NTRK3: variants seen among roughly 807,000 people sequenced by gnomAD.
The protein encoded by NTRK3 is NT-3 growth factor receptor.
Under a neutral mutation model 91.7 loss-of-function variants are expected in NTRK3, and 24 were observed. That is an observed-to-expected ratio of 0.26 (90% CI 0.19 to 0.37). The LOEUF is 0.37. Among genes scored for constraint, NTRK3 ranks in the 10% least tolerant of loss-of-function variants. NTRK3 has a pLI of 1.00. For missense variants in NTRK3, 880 were observed against 1,068.9 expected (o/e 0.82, Z 2.46); for synonymous variants, 483 against 404.0 (o/e 1.20, Z -2.34).
chr15:87,948,410 A>G (rs1327013510), intron 14 of NTRK3, among the ~76,000 whole-genome samples: 1 of 152,210 alleles, frequency 6.6e-6, no homozygotes, highest in East Asian at 1.9e-4. Flanking sequence ...AATCAAGGCC[A>G]GGTGCGGTGG....
intron 14 of NTRK3, among the ~76,000 whole-genome samples, chr15:88,031,487 A>C (rs2078529987): frequency 6.6e-6 from 1 of 152,196 alleles, no homozygotes; most frequent in Non-Finnish European, 1.5e-5. Flanking sequence ...GAAGTGAACT[A>C]ATCTTTGTTC....
intron 13 of NTRK3, among the ~76,000 whole-genome samples, chr15:88,057,326 G>A (rs981593889): frequency 2.2e-4 from 33 of 150,552 alleles, no homozygotes; most frequent in Non-Finnish European, 3.8e-4. Context: ...GCGAAACCCC[G>A]TTTCCACTAA....
chr15:88,062,478 G>C (rs1388775931), intron 13 of NTRK3, among the ~76,000 whole-genome samples: 3 of 152,250 alleles, frequency 2.0e-5, no homozygotes, highest in African/African-American at 4.8e-5. Context: ...TCCCTAAATA[G>C]GATGAAGTAG....
Position 88,111,490 on chromosome 15 carries a change from G to A in NTRK3, c.1396+14781C>T, listed in dbSNP as rs1050770977. 5.3e-5 allele frequency among the ~76,000 whole-genome samples: 8 copies of A among 152,320 alleles called. No individual in the cohort carries two copies. The East Asian group carries it at 1.2e-3, about 22-fold the overall frequency. On this transcript the variant is annotated intron_variant, in intron 13 of 18. Coordinates refer to ENST00000394480, the Ensembl canonical transcript of NTRK3. Reference sequence around the variant, plus strand: ...GACAGTATGAAGCTGTTAGCTTAGGGAGTTTGACACTCACTGGTTTGTGGG... The same window carrying A: ...GACAGTATGAAGCTGTTAGCTTAGGAAGTTTGACACTCACTGGTTTGTGGG...
intron 14 of NTRK3, among the ~76,000 whole-genome samples, chr15:87,965,281 G>GA (rs1325718031): frequency 2.6e-5 from 4 of 152,118 alleles, no homozygotes; most frequent in Non-Finnish European, 4.4e-5. Flanking sequence ...TTTGTAATCA[G>GA]AAAAAAGCAC....
chr15:88,094,738 G>C (rs918702607), intron 13 of NTRK3, among the ~76,000 whole-genome samples: 1 of 152,162 alleles, frequency 6.6e-6, no homozygotes, highest in Non-Finnish European at 1.5e-5. Context: ...AGCTGACTGA[G>C]CAAGGCCCCA....
At chr15:87,919,532 G>T (rs2141828252) in intron 17 of NTRK3, among the ~76,000 whole-genome samples, 1 of 152,274 alleles carries the variant, frequency 6.6e-6, no homozygotes, top group South Asian at 2.1e-4. Flanking sequence ...GTTGCAGGTA[G>T]ATGTCCCCAA....
chr15:88,135,873 C>T, intron 9 of NTRK3, 26 bp downstream of exon 9: 2 of 1,613,566 alleles, frequency 1.2e-6, no homozygotes, highest in South Asian at 1.1e-5. Flanking sequence ...CACACACAGC[C>T]ATCCCCCACA....
At chr15:88,161,914 C>T (rs56732627) in intron 5 of NTRK3, among the ~76,000 whole-genome samples, 1,853 of 152,270 alleles carry the variant, frequency 0.012, 21 homozygotes, top group African/African-American at 0.042. Flanking sequence ...GCAATGCATT[C>T]CTGCTTCTAA....
At chr15:88,128,726 C>T (rs574695821) in exon 11 of NTRK3, 3 of 1,614,014 alleles carry the variant, frequency 1.9e-6, no homozygotes, top group South Asian at 2.2e-5. Flanking sequence ...ATAAAGTTAT[C>T]CGTGCTCTCT....
chr15:87,916,511 G>C (rs1408027974), intron 17 of NTRK3: 1 of 702,108 alleles, frequency 1.4e-6, no homozygotes, highest in East Asian at 2.7e-5. Flanking sequence ...TTCTTATGGG[G>C]CATCTTCCCC....
At chr15:87,903,380 G>A in intron 17 of NTRK3, among the ~76,000 whole-genome samples, 1 of 152,150 alleles carries the variant, frequency 6.6e-6, no homozygotes. Context: ...GAGTGGTCCT[G>A]GATGGCACAA....
At chr15:88,256,475 C>A (rs2054067174) in exon 2 of NTRK3, 2 of 525,732 alleles carry the variant, frequency 3.8e-6, no homozygotes, top group Non-Finnish European at 6.6e-6. Flanking sequence ...GGCGCGCTCT[C>A]CGACTCCGAG....
intron 13 of NTRK3, among the ~76,000 whole-genome samples, chr15:88,035,250 T>C (rs1305911490): frequency 1.3e-5 from 2 of 152,166 alleles, no homozygotes; most frequent in African/African-American, 2.4e-5. Flanking sequence ...CCAGGAAGGC[T>C]GAGGTGGAGT....
chr15:88,162,477 A>G (rs531432078), intron 5 of NTRK3, among the ~76,000 whole-genome samples: 82 of 152,324 alleles, frequency 5.4e-4, no homozygotes, highest in African/African-American at 1.8e-3. Flanking sequence ...AGGAGAGGGG[A>G]GAAGGGGGCC....
At chr15:88,030,316 C>A (rs2078407558) in intron 14 of NTRK3, among the ~76,000 whole-genome samples, 1 of 152,166 alleles carries the variant, frequency 6.6e-6, no homozygotes, top group Non-Finnish European at 1.5e-5. Context: ...ACATGGTTTG[C>A]CTAGTGGGAT....
intron 14 of NTRK3, among the ~76,000 whole-genome samples, chr15:87,958,999 G>GC (rs1343026565): frequency 2.1e-5 from 1 of 47,308 alleles, no homozygotes; most frequent in Non-Finnish European, 4.7e-5. Flanking sequence ...CCCGCTCCCC[G>GC]CCCCCCGCAT....
intron 17 of NTRK3, among the ~76,000 whole-genome samples, chr15:87,906,269 C>T (rs905907643): frequency 5.9e-5 from 9 of 152,224 alleles, no homozygotes; most frequent in Non-Finnish European, 1.2e-4. Flanking sequence ...TTACTCAAAG[C>T]CCCTATCAAG....
chr15:88,052,924 C>G (rs543827259), intron 13 of NTRK3, among the ~76,000 whole-genome samples: 1 of 152,248 alleles, frequency 6.6e-6, no homozygotes, highest in South Asian at 2.1e-4. Context: ...AGTATGGAAG[C>G]CTTATTAGCT....
Sources: gnomAD v4.1 joint callset for allele counts (sites outside exome capture counted in the v4.1 genomes callset) on GRCh38, gnomAD v4.1.1 for gene constraint, MANE v1.5 for transcripts, NCBI Gene and HGNC (gene_info 2026-07-23, HGNC 2026-07-21) for gene names.